The following NCALD variants were observed in gnomAD, a reference collection of about 807,000 sequenced individuals.
NCALD encodes the protein neurocalcin delta.
A neutral mutation model predicts 18.6 loss-of-function variants in NCALD; 10 were observed. The ratio of observed to expected loss-of-function variants is 0.54; its 90% CI spans 0.33 to 0.91. The LOEUF (loss-of-function observed/expected upper bound fraction) is 0.91, where lower values mean the gene tolerates loss of function less well. Among genes scored for constraint, NCALD ranks in the 40% least tolerant of loss-of-function variants. NCALD has a pLI of 0.03. For synonymous variants in NCALD, 88 were observed against 87.4 expected, an observed-to-expected ratio of 1.01 and a Z score of -0.04; for missense variants, 184 against 247.6, an observed-to-expected ratio of 0.74 and a Z score of 1.72.
intron 2 of NCALD, among the ~76,000 whole-genome samples, chr8:101,709,243 T>C (rs78218813): frequency 0.026 from 3,931 of 152,272 alleles, 132 homozygotes; most frequent in African/African-American, 0.078. Flanking sequence ...TCATTTATGG[T>C]GTACACCCTA....
intron 4 of NCALD, among the ~76,000 whole-genome samples, chr8:101,844,831 A>G (rs968223838): frequency 2.0e-5 from 3 of 152,164 alleles, no homozygotes; most frequent in Non-Finnish European, 4.4e-5. Flanking sequence ...TATTCCATCT[A>G]AAGAAGGAAA....
rs142500810 is a variant in NCALD at position 101,750,973 on chromosome 8, G to A, written c.-19-31325C>T. On this transcript the variant is annotated intron_variant, in intron 1 of 3. Transcript: ENST00000220931. ...ATATCGCCTAAAAGGTTTTAGGTAT[G>A]ATAACAGCTGGATTTCTCTTTTCCA... 8.2e-3 allele frequency among the ~76,000 whole-genome samples: 1,254 copies of A among 152,272 alleles called. 10 individuals carry two copies. The highest frequency in any genetic ancestry group is 0.013 in the Non-Finnish European group (906 of 68,010).
At chr8:102,003,787 A>G (rs1394356544) in intron 2 of NCALD, among the ~76,000 whole-genome samples, 1 of 152,248 alleles carries the variant, frequency 6.6e-6, no homozygotes, top group East Asian at 1.9e-4. Context: ...CCACATGATT[A>G]TCTCAATAGA....
At chr8:101,741,372 A>T (rs1051142419) in intron 1 of NCALD, among the ~76,000 whole-genome samples, 1 of 152,218 alleles carries the variant, frequency 6.6e-6, no homozygotes, top group Non-Finnish European at 1.5e-5. Context: ...ATGTCAGCAA[A>T]CACAGCTCCA....
At chr8:102,058,969 G>A (rs181574660) in intron 1 of NCALD, among the ~76,000 whole-genome samples, 67 of 152,272 alleles carry the variant, frequency 4.4e-4, no homozygotes, top group Middle Eastern at 6.8e-3. Context: ...GCCTTTCTTG[G>A]CTGAAAAAGG....
chr8:101,690,287 G>T (rs1040015805), intron 3 of NCALD: 2 of 985,170 alleles, frequency 2.0e-6, no homozygotes, highest in Non-Finnish European at 2.4e-6. Context: ...TGTCTACCCC[G>T]CCCCTGGGAG....
intron 1 of NCALD, among the ~76,000 whole-genome samples, chr8:102,085,138 G>A (rs539802278): frequency 6.6e-6 from 1 of 152,132 alleles, no homozygotes; most frequent in Non-Finnish European, 1.5e-5. Context: ...TTAACTTGGG[G>A]TGTCTCAACC....
chr8:102,054,976 G>C (rs1027772148), intron 1 of NCALD, among the ~76,000 whole-genome samples: 1 of 152,052 alleles, frequency 6.6e-6, no homozygotes, highest in Non-Finnish European at 1.5e-5. Context: ...GTGTCGATGA[G>C]ATGTGGACAG....
chr8:101,936,457 G>A (rs1818767117), intron 2 of NCALD, among the ~76,000 whole-genome samples: 1 of 152,108 alleles, frequency 6.6e-6, no homozygotes, highest in African/African-American at 2.4e-5. Context: ...ATGGATCAGA[G>A]GTCCTAGAAG....
intron 1 of NCALD, among the ~76,000 whole-genome samples, chr8:101,723,907 G>A (rs1297957966): frequency 6.6e-6 from 1 of 152,066 alleles, no homozygotes; most frequent in Non-Finnish European, 1.5e-5. Context: ...TTGTTGTTAA[G>A]TGTGCTACAA....
intron 1 of NCALD, among the ~76,000 whole-genome samples, chr8:101,723,533 G>A (rs1296052282): frequency 6.6e-6 from 1 of 151,800 alleles, no homozygotes; most frequent in Admixed American, 6.6e-5. Flanking sequence ...AATAACATTT[G>A]TTTTTATTTA....
intron 4 of NCALD, among the ~76,000 whole-genome samples, chr8:101,815,603 C>T (rs938154842): frequency 2.6e-5 from 4 of 152,080 alleles, no homozygotes; most frequent in African/African-American, 9.7e-5. Context: ...TGAGATACTA[C>T]AACACATCTA....
At chr8:101,833,610 G>GC (rs1814277618) in intron 4 of NCALD, among the ~76,000 whole-genome samples, 1 of 88,474 alleles carries the variant, frequency 1.1e-5, no homozygotes, top group African/African-American at 4.4e-5. Context: ...TTTGTTTCTT[G>GC]TTTTTTTTTT....
intron 3 of NCALD, among the ~76,000 whole-genome samples, chr8:101,892,009 C>G (rs1353495553): frequency 1.3e-5 from 2 of 152,192 alleles, no homozygotes; most frequent in African/African-American, 4.8e-5. Context: ...GTGGGGCCCA[C>G]CACAGCTCAA....
chr8:101,934,271 C>A (rs1353641553), intron 2 of NCALD, among the ~76,000 whole-genome samples: 1 of 152,126 alleles, frequency 6.6e-6, no homozygotes, highest in Non-Finnish European at 1.5e-5. Context: ...ACAGTCCAAC[C>A]TAAGGACTGA....
chr8:101,923,338 T>G (rs1354082151), intron 2 of NCALD, among the ~76,000 whole-genome samples: 1 of 152,194 alleles, frequency 6.6e-6, no homozygotes, highest in Non-Finnish European at 1.5e-5. Context: ...CTAATCTATC[T>G]CACTCCCAGG....
chr8:101,832,400 T>C (rs950253680), intron 4 of NCALD, among the ~76,000 whole-genome samples: 1 of 152,200 alleles, frequency 6.6e-6, no homozygotes, highest in African/African-American at 2.4e-5. Flanking sequence ...CAGAAATACA[T>C]GGCATTTGAT....
chr8:101,803,752 C>A (rs1277293446), intron 4 of NCALD, among the ~76,000 whole-genome samples: 2 of 152,082 alleles, frequency 1.3e-5, no homozygotes, highest in African/African-American at 4.8e-5. Context: ...GAAGTAACTG[C>A]AGATGAAAGT....
chr8:101,981,462 C>T (rs28537653), intron 2 of NCALD, among the ~76,000 whole-genome samples: 1,966 of 152,222 alleles, frequency 0.013, 43 homozygotes, highest in African/African-American at 0.045. Context: ...CCTTTCTTTC[C>T]ATCACAAAAT....
Sources: gnomAD v4.1 joint callset for allele counts (sites outside exome capture counted in the v4.1 genomes callset) on GRCh38, gnomAD v4.1.1 for gene constraint, MANE v1.5 for transcripts, NCBI Gene and HGNC (gene_info 2026-07-23, HGNC 2026-07-21) for gene names.